The following PAFAH1B1 variants were observed in gnomAD, a reference collection of about 807,000 sequenced individuals.
PAFAH1B1 encodes the protein platelet-activating factor acetylhydrolase IB subunit beta.
Under a neutral mutation model 57.5 loss-of-function variants are expected in PAFAH1B1, and 2 were observed. The ratio of observed to expected loss-of-function variants is 0.03; its 90% confidence interval spans 0.01 to 0.11. The LOEUF is 0.11. PAFAH1B1 is among the 10% of genes least tolerant of loss of function. The pLI, the probability that PAFAH1B1 is intolerant of heterozygous loss-of-function variation, is 1.00. For missense variants in PAFAH1B1, 257 were observed against 512.0 expected (o/e 0.50, Z 4.81); for synonymous variants, 152 against 169.6 (o/e 0.90, Z 0.81).
At chr17:2,638,624 C>G (rs961051500) in intron 2 of PAFAH1B1, 2 of 300,032 alleles carry the variant, frequency 6.7e-6, no homozygotes, top group African/African-American at 4.4e-5. Context: ...TCTTCTGCCT[C>G]AGCCTCCCAA....
chr17:2,604,653 A>G (rs1597510222), intron 1 of PAFAH1B1, among the ~76,000 whole-genome samples: 1 of 152,142 alleles, frequency 6.6e-6, no homozygotes, highest in Non-Finnish European at 1.5e-5. Context: ...TCTACTAAAA[A>G]TACACAAATT....
chr17:2,636,545 G>A (rs941510326), intron 1 of PAFAH1B1, among the ~76,000 whole-genome samples: 2 of 152,006 alleles, frequency 1.3e-5, no homozygotes. Flanking sequence ...TGTCTCCCAG[G>A]TTCAAGCAAT....
At chr17:2,659,341 A>T (rs527760009) in intron 2 of PAFAH1B1, 64 of 213,482 alleles carry the variant, frequency 3.0e-4, no homozygotes, top group African/African-American at 1.4e-3. Context: ...GATCGAGACC[A>T]TCCTTGCCAA....
At chr17:2,664,829 G>A (rs2069082342) in intron 2 of PAFAH1B1, among the ~76,000 whole-genome samples, 1 of 152,124 alleles carries the variant, frequency 6.6e-6, no homozygotes, top group Admixed American at 6.6e-5. Flanking sequence ...CTAAATGAAT[G>A]TCTCATTCTA....
intron 6 of PAFAH1B1, among the ~76,000 whole-genome samples, chr17:2,670,892 C>T (rs16952294): frequency 0.052 from 7,915 of 152,214 alleles, 660 homozygotes; most frequent in African/African-American, 0.18. Flanking sequence ...CCTCTTTCAT[C>T]TGCAAAACAG....
At chr17:2,673,454 A>T (rs2069210935) in intron 7 of PAFAH1B1, among the ~76,000 whole-genome samples, 1 of 152,046 alleles carries the variant, frequency 6.6e-6, no homozygotes, top group Non-Finnish European at 1.5e-5. Flanking sequence ...CCTGGCTAAC[A>T]CGATGAAACC....
chr17:2,651,131 G>A (rs2068843916), intron 2 of PAFAH1B1, among the ~76,000 whole-genome samples: 1 of 152,098 alleles, frequency 6.6e-6, no homozygotes, highest in South Asian at 2.1e-4. Flanking sequence ...TGCTTTTTCT[G>A]AGTCATTATC....
intron 9 of PAFAH1B1, among the ~76,000 whole-genome samples, chr17:2,678,975 A>T (rs939952962): frequency 4.3e-4 from 65 of 152,344 alleles, no homozygotes; most frequent in African/African-American, 1.4e-3. Context: ...TACTCTTGAA[A>T]TGTGGCTAGT....
chr17:2,656,391 A>G (rs2068936707), intron 2 of PAFAH1B1, among the ~76,000 whole-genome samples: 1 of 151,762 alleles, frequency 6.6e-6, no homozygotes, highest in Admixed American at 6.6e-5. Context: ...TTGAGGATGC[A>G]GTGAGCCATG....
chr17:2,638,367 G>C, intron 2 of PAFAH1B1, 47 bp downstream of exon 2: 1 of 1,494,902 alleles, frequency 6.7e-7, no homozygotes. Context: ...CCTCATGAGA[G>C]AGAAAGTAGT....
At chr17:2,653,840 A>G (rs1452296099) in intron 2 of PAFAH1B1, among the ~76,000 whole-genome samples, 2 of 151,946 alleles carry the variant, frequency 1.3e-5, no homozygotes, top group Admixed American at 6.6e-5. Context: ...CGAGTCTTAT[A>G]CTCTGTTGCC....
intron 1 of PAFAH1B1, among the ~76,000 whole-genome samples, chr17:2,605,258 T>C (rs543984946): frequency 1.6e-4 from 24 of 152,216 alleles, no homozygotes; most frequent in African/African-American, 5.1e-4. Flanking sequence ...AGATTTGTAG[T>C]TTGGGTGACT....
chr17:2,675,354 G>T (rs4790353), intron 8 of PAFAH1B1, among the ~76,000 whole-genome samples: 121,349 of 152,124 alleles, frequency 0.8, 51,336 homozygotes, highest in East Asian at 0.93. Context: ...AAAACTACAT[G>T]TCAATAAACA....
intron 2 of PAFAH1B1, among the ~76,000 whole-genome samples, chr17:2,643,372 G>GC (rs1395479595): frequency 6.6e-6 from 1 of 152,050 alleles, no homozygotes; most frequent in Non-Finnish European, 1.5e-5. Context: ...TCCTGCCTCT[G>GC]CCCCCCTAAT....
chr17:2,652,990 G>A (rs1041513880), intron 2 of PAFAH1B1, among the ~76,000 whole-genome samples: 30 of 152,092 alleles, frequency 2.0e-4, no homozygotes, highest in Admixed American at 1.2e-3. Flanking sequence ...TTGTGGCACT[G>A]TTCACAATAG....
intron 8 of PAFAH1B1, among the ~76,000 whole-genome samples, chr17:2,676,051 G>T (rs763200671): frequency 2.9e-4 from 44 of 152,264 alleles, no homozygotes; most frequent in Middle Eastern, 3.4e-3. Flanking sequence ...CATAGGTATG[G>T]TGTGAAAGAC....
chr17:2,676,361 G>T, intron 8 of PAFAH1B1, 144 bp from the exon 9 acceptor site: 1 of 640,686 alleles, frequency 1.6e-6, no homozygotes, highest in South Asian at 1.7e-5. Flanking sequence ...CTGGGTGACA[G>T]AGCCAGACTC....
intron 1 of PAFAH1B1, among the ~76,000 whole-genome samples, chr17:2,604,026 G>A (rs1400005661): frequency 6.6e-6 from 1 of 151,590 alleles, no homozygotes; most frequent in Non-Finnish European, 1.5e-5. Context: ...GTGAGCCATC[G>A]CGCCTGGCCA....
intron 1 of PAFAH1B1, among the ~76,000 whole-genome samples, chr17:2,616,458 G>GT: frequency 6.6e-6 from 1 of 152,248 alleles, no homozygotes; most frequent in East Asian, 1.9e-4. Context: ...TGGGGAAGAG[G>GT]TGATGTTGCA....
Sources: allele counts gnomAD v4.1 joint callset (sites outside exome capture counted in the v4.1 genomes callset), GRCh38; gene constraint gnomAD v4.1.1; transcripts MANE v1.5; gene names NCBI Gene and HGNC (gene_info 2026-07-23, HGNC 2026-07-21).